The following TEK variants were observed in gnomAD, a reference collection of about 807,000 sequenced individuals.
The protein encoded by TEK is TEK receptor tyrosine kinase.
A neutral mutation model predicts 131.8 loss-of-function variants in TEK; 43 were observed. The observed-to-expected ratio is 0.33, with a 90% CI of 0.26 to 0.42. TEK has a LOEUF of 0.42. Among genes scored for constraint, TEK ranks in the 10% least tolerant of loss-of-function variants. TEK has a pLI of 1.00. For missense variants in TEK, 1,162 were observed against 1,384.4 expected, an observed-to-expected ratio of 0.84 and a Z score of 2.55; for synonymous variants, 580 against 491.6, an observed-to-expected ratio of 1.18 and a Z score of -2.38.
intron 20 of TEK, among the ~76,000 whole-genome samples, chr9:27,219,813 C>CTT (rs1374555701): frequency 1.8e-4 from 18 of 98,290 alleles, no homozygotes; most frequent in African/African-American, 5.5e-4. Flanking sequence ...TTAGAACAGG[C>CTT]ACTAAGGAAG....
Position 27,204,977 on chromosome 9 carries a change from G to C in TEK, c.2276G>C (p.Cys759Ser), listed in dbSNP as rs1178178451. The change falls in exon 14 of 23, where the codon TGC (cysteine) becomes TCC (serine). Residue 759 changes from cysteine (C) to serine (S), a missense_variant. Cys to Ser is a moderately radical substitution (Grantham distance 112). This residue lies in a region of TEK where 477 missense variants were observed against 471.0 expected (regional missense o/e 1.01). Coordinates refer to ENST00000380036, the MANE Select transcript of TEK (RefSeq NM_000459.5). ...IAILGSAGMTCLTVLLAFLII... is the reference protein window; with the variant it reads ...IAILGSAGMTSLTVLLAFLII... ...ATCCTTGGCTCTGCTGGAATGACCT[G>C]CCTGACTGTGCTGTTGGCCTTTCTG... 1 of 1,614,076 alleles carries C rather than the reference G, an allele frequency of 6.2e-7. No individual in the cohort carries two copies. The highest frequency in any genetic ancestry group is 1.1e-5 in the South Asian group (1 of 91,084).
chr9:27,137,932 G>A (rs1014950162), intron 1 of TEK, among the ~76,000 whole-genome samples: 3 of 152,178 alleles, frequency 2.0e-5, no homozygotes, highest in African/African-American at 7.2e-5. Context: ...GGTGTGTCCA[G>A]AGTTTGTTCC....
rs765568649 is a variant in TEK at position 27,192,667 on chromosome 9, G to A, written c.1624+44G>A. 6.3e-6 allele frequency: 10 copies of A among 1,587,566 alleles called. No individual in the cohort carries two copies. In the South Asian group the frequency reaches 8.9e-5, roughly 14 times the overall value. ...GCATTTATTCATGAGCTGGGTGGGAGGGGGAGGAAGGGGAAAGAGGAAGGA... is the reference window on the plus strand; with the variant it reads ...GCATTTATTCATGAGCTGGGTGGGAAGGGGAGGAAGGGGAAAGAGGAAGGA... On this transcript the variant is annotated intron_variant, in intron 11 of 22. Coordinates refer to ENST00000380036, the MANE Select transcript of TEK (RefSeq NM_000459.5).
At chr9:27,156,709 G>A (rs1235886108) in intron 1 of TEK, among the ~76,000 whole-genome samples, 3 of 152,146 alleles carry the variant, frequency 2.0e-5, no homozygotes, top group Admixed American at 2.0e-4. Context: ...AGATAATGGT[G>A]CATACCTCAC....
chr9:27,200,796 G>A (rs990964495), intron 12 of TEK, among the ~76,000 whole-genome samples: 2 of 152,090 alleles, frequency 1.3e-5, no homozygotes, highest in African/African-American at 4.8e-5. Flanking sequence ...ACATTTACAT[G>A]GGGAGTATTT....
chr9:27,175,863 T>A (rs184636193), intron 6 of TEK, among the ~76,000 whole-genome samples: 10,170 of 152,116 alleles, frequency 0.067, 454 homozygotes, highest in African/African-American at 0.13. Flanking sequence ...AATTTGTTTG[T>A]GTTCATTGTA....
intron 21 of TEK, among the ~76,000 whole-genome samples, chr9:27,225,886 T>C (rs1031174473): frequency 6.6e-6 from 1 of 151,932 alleles, no homozygotes; most frequent in Non-Finnish European, 1.5e-5. Context: ...TCAACAAATT[T>C]ACAAGAAAAA....
rs1407099153 is a variant in TEK, at chr9:27,110,954, A to G, written c.52+1312A>G. On this transcript the variant is annotated intron_variant, in intron 1 of 22. Coordinates refer to ENST00000380036, the MANE Select transcript of TEK (RefSeq NM_000459.5). ...CTGAGTGCCATTATTTACCAGTGACATGAAATCTGGAACTTACTCTATACC... is the reference window on the plus strand; with the variant it reads ...CTGAGTGCCATTATTTACCAGTGACGTGAAATCTGGAACTTACTCTATACC... Among the ~76,000 whole-genome samples, 4 of 151,948 alleles carry G rather than the reference A, an allele frequency of 2.6e-5. No homozygotes were observed. The East Asian group carries it at 5.8e-4, about 22-fold the overall frequency.
At chr9:27,153,555 T>C (rs1337645419) in intron 1 of TEK, among the ~76,000 whole-genome samples, 6 of 152,368 alleles carry the variant, frequency 3.9e-5, no homozygotes, top group African/African-American at 1.4e-4. Flanking sequence ...TTCAGCAAAT[T>C]ATTAGCCTTC....
intron 7 of TEK, among the ~76,000 whole-genome samples, chr9:27,182,327 C>T (rs1010189363): frequency 1.3e-5 from 2 of 151,926 alleles, no homozygotes; most frequent in Non-Finnish European, 2.9e-5. Context: ...TACAAGGGGA[C>T]GATGAAGGAA....
At chr9:27,187,351 C>T (rs1372035369) in intron 9 of TEK, among the ~76,000 whole-genome samples, 1 of 152,174 alleles carries the variant, frequency 6.6e-6, no homozygotes, top group Non-Finnish European at 1.5e-5. Flanking sequence ...GGCTTTAACA[C>T]CAGTGTACAG....
chr9:27,163,607 AATG>A (rs1412367258), intron 2 of TEK, among the ~76,000 whole-genome samples: 27 of 152,274 alleles, frequency 1.8e-4, no homozygotes, highest in African/African-American at 5.8e-4. Flanking sequence ...GGACCTGGAG[AATG>A]ATAAGTCTGG....
chr9:27,173,389 G>A lies in TEK; in HGVS notation c.901+27G>A, dbSNP rs189522899. The A allele has an allele frequency of 3.0e-4, 477 of 1,613,508 alleles. 3 individuals carry two copies. In the African/African-American group the frequency reaches 5.8e-3, roughly 20 times the overall value. On this transcript the variant is annotated intron_variant, in intron 6 of 22. Coordinates refer to ENST00000380036, the MANE Select transcript of TEK (RefSeq NM_000459.5). ...TATGCACCAATCACACCCTTGGACAGAGGATGTTCTAGCAGGTATATAAAG... is the reference window on the plus strand; with the variant it reads ...TATGCACCAATCACACCCTTGGACAAAGGATGTTCTAGCAGGTATATAAAG...
rs773547022 is a variant in TEK at position 27,185,517 on chromosome 9, A to G, written c.1215A>G (p.Ser405=). 1 of 1,613,764 alleles carries G rather than the reference A, an allele frequency of 6.2e-7. No individual in the cohort carries two copies. The part of the protein sequence containing the change: ...PKDFNHTDHF[S]VAIFTIHRIL... ...ACTTTAACCATACGGATCATTTCTC[A>G]GTAGCCATATTCACCATCCACCGGA... The change falls in exon 9 of 23, where the codon TCA becomes TCG. Residue 405 remains serine, a synonymous_variant. Transcript: ENST00000380036.
intron 20 of TEK, 104 bp downstream of exon 20, chr9:27,218,921 G>C: frequency 8.7e-7 from 1 of 1,150,538 alleles, no homozygotes; most frequent in Non-Finnish European, 1.3e-6. Context: ...TTTGTATGTG[G>C]TTCTACCAGA....
intron 1 of TEK, among the ~76,000 whole-genome samples, chr9:27,145,922 A>G (rs1822900346): frequency 2.6e-5 from 4 of 152,206 alleles, no homozygotes; most frequent in Admixed American, 2.6e-4. Flanking sequence ...ATGAAATACA[A>G]AACTAAGCAT....
chr9:27,155,503 C>T (rs1217382588), intron 1 of TEK, among the ~76,000 whole-genome samples: 1 of 152,202 alleles, frequency 6.6e-6, no homozygotes, highest in Non-Finnish European at 1.5e-5. Flanking sequence ...TCTTTCTAAT[C>T]ATTCAGATAA....
At chr9:27,226,424 C>T (rs531373451) in intron 21 of TEK, among the ~76,000 whole-genome samples, 1 of 152,196 alleles carries the variant, frequency 6.6e-6, no homozygotes. Flanking sequence ...AGTTCTTGTC[C>T]TTTGGACGGA....
chr9:27,122,803 C>T (rs1281019703), intron 1 of TEK, among the ~76,000 whole-genome samples: 1 of 152,002 alleles, frequency 6.6e-6, no homozygotes, highest in Admixed American at 6.6e-5. Context: ...CCTGTAATCT[C>T]AGCACTTTGG....
Sources: gnomAD v4.1 joint callset for allele counts (sites outside exome capture counted in the v4.1 genomes callset) on GRCh38, gnomAD v4.1.1 for gene constraint, gnomAD v4.1.1 regional missense constraint, MANE v1.5 for transcripts, NCBI Gene and HGNC (gene_info 2026-07-23, HGNC 2026-07-21) for gene names.